The following NELL1 variants were observed in gnomAD, a reference collection of about 807,000 sequenced individuals.
NELL1 encodes neural EGFL like 1.
In NELL1, 76 loss-of-function variants were observed where a neutral mutation model predicts 107.4. The observed-to-expected ratio is 0.71, with a 90% CI of 0.59 to 0.86. The LOEUF (loss-of-function observed/expected upper bound fraction) is 0.86. NELL1 is among the 40% of genes least tolerant of loss of function. NELL1 has a pLI of 0.00. For synonymous variants in NELL1, 353 were observed against 341.2 expected (o/e 1.03, Z -0.38); for missense variants, 1,024 against 1,005.5 (o/e 1.02, Z -0.25).
At chr11:20,869,877 A>C (rs1294688859) in intron 4 of NELL1, among the ~76,000 whole-genome samples, 1 of 152,194 alleles carries the variant, frequency 6.6e-6, no homozygotes, top group Non-Finnish European at 1.5e-5. Flanking sequence ...GTTAGTTAGG[A>C]TGCTCTAGTT....
intron 3 of NELL1, among the ~76,000 whole-genome samples, chr11:20,787,007 CAAAAAAAAAAA>C (rs71443763): frequency 1.6e-5 from 1 of 60,854 alleles, no homozygotes. Flanking sequence ...GACTCCGTCT[CAAAAAAAAAAA>C]AAAAAAAAAA....
chr11:20,733,221 C>T (rs978152938), intron 2 of NELL1, among the ~76,000 whole-genome samples: 1 of 152,172 alleles, frequency 6.6e-6, no homozygotes, highest in Non-Finnish European at 1.5e-5. Context: ...ACATCTGTTG[C>T]TCTGACAGAA....
chr11:21,154,751 A>G (rs1020189590), intron 13 of NELL1, among the ~76,000 whole-genome samples: 20 of 152,306 alleles, frequency 1.3e-4, no homozygotes, highest in African/African-American at 4.6e-4. Flanking sequence ...GGCAATCATG[A>G]GATGGGTATC....
In NELL1 at chr11:21,229,392, C is replaced by A; in HGVS notation, c.1487C>A (p.Thr496Asn). The A allele has an allele frequency of 6.2e-7, 1 of 1,614,012 alleles. No individual in the cohort carries two copies. The highest frequency in any genetic ancestry group is 2.2e-5 in the East Asian group (1 of 44,802). Residue 496 changes from threonine (T) to asparagine (N), a missense_variant, in exon 14 of 20, where the codon ACT becomes AAT. Transcript: ENST00000357134. ...GATGAGAATGCCATCTGCACCAACA[C>A]TGTCCAGGGACACAGCTGCACCTGC... is the stretch of plus-strand genomic sequence containing the variant. The part of the protein sequence containing the change: ...NCDENAICTN[T>N]VQGHSCTCKP...
At chr11:20,886,064 T>C (rs1342977905) in intron 5 of NELL1, among the ~76,000 whole-genome samples, 2 of 152,070 alleles carry the variant, frequency 1.3e-5, no homozygotes, top group Non-Finnish European at 2.9e-5. Flanking sequence ...TGAATACACA[T>C]GGACACAAAG....
At chr11:21,294,239 C>T (rs1300955602) in intron 14 of NELL1, among the ~76,000 whole-genome samples, 2 of 152,094 alleles carry the variant, frequency 1.3e-5, no homozygotes, top group African/African-American at 4.8e-5. Flanking sequence ...CCATAGTGTA[C>T]CCTTTGTTGG....
rs754095262 is a variant in NELL1 at position 21,374,794 on chromosome 11, T to C, written c.1645+3846T>C. 1.0e-3 allele frequency among the ~76,000 whole-genome samples: 157 copies of C among 151,992 alleles called. 3 individuals are homozygous for C. The highest frequency in any genetic ancestry group is 2.5e-4 in the Non-Finnish European group (17 of 67,978). On this transcript the variant is annotated intron_variant, in intron 15 of 19. Coordinates refer to ENST00000357134, the MANE Select transcript of NELL1 (RefSeq NM_006157.5). ...GACTCCCTACATCTTGTACTCTTGA[T>C]CATGGAACAGGATATATTGTTTACT... is the stretch of plus-strand genomic sequence containing the variant.
intron 3 of NELL1, among the ~76,000 whole-genome samples, chr11:20,838,143 C>T (rs1848566010): frequency 6.6e-6 from 1 of 151,602 alleles, no homozygotes; most frequent in African/African-American, 2.4e-5. Flanking sequence ...CACATTACTT[C>T]TATGGCATTC....
Position 20,678,073 on chromosome 11 carries a change from C to T in NELL1, c.184+13C>T. 3.1e-6 allele frequency: 5 copies of T among 1,613,906 alleles called. No individual in the cohort carries two copies. Among genetic ancestry groups the T allele is most frequent in the Non-Finnish European group, 4.2e-6 (5 of 1,179,870 alleles). On this transcript the variant is annotated intron_variant, in intron 2 of 19. Coordinates refer to ENST00000357134, the MANE Select transcript of NELL1 (RefSeq NM_006157.5). ...TTTTTATTTCAAGGTAAAGGCACCT[C>T]CTTTCTTGCATGGTGGCAGAGGTTG... is the stretch of plus-strand genomic sequence containing the variant.
intron 5 of NELL1, among the ~76,000 whole-genome samples, chr11:20,909,068 C>T (rs1466578429): frequency 1.3e-5 from 2 of 152,150 alleles, no homozygotes; most frequent in Non-Finnish European, 2.9e-5. Flanking sequence ...TGTGAAGGAA[C>T]CATGCACAAA....
At chr11:21,243,284 T>C (rs1004748856) in intron 14 of NELL1, among the ~76,000 whole-genome samples, 6 of 152,298 alleles carry the variant, frequency 3.9e-5, no homozygotes, top group Middle Eastern at 3.4e-3. Flanking sequence ...ATGAATACTT[T>C]GCTTAAATAA....
At chr11:21,260,149 A>G (rs1279576485) in intron 14 of NELL1, 1 of 151,848 alleles carries the variant, frequency 6.6e-6, no homozygotes, top group Non-Finnish European at 1.5e-5. Flanking sequence ...TGACATTCAG[A>G]CCTTGGTGAG....
intron 16 of NELL1, among the ~76,000 whole-genome samples, chr11:21,539,646 T>C (rs1200023984): frequency 6.6e-6 from 1 of 151,262 alleles, no homozygotes; most frequent in African/African-American, 2.4e-5. Flanking sequence ...GCTCCTTCTC[T>C]TCTCTCCTCT....
At chr11:21,495,249 C>T (rs926777802) in intron 15 of NELL1, among the ~76,000 whole-genome samples, 1 of 152,090 alleles carries the variant, frequency 6.6e-6, no homozygotes, top group Admixed American at 6.6e-5. Flanking sequence ...ATTAATGAAA[C>T]AATACAATCT....
In NELL1 at chr11:20,735,790, C is replaced by G. The variant is rs1248861251; in HGVS notation, c.185-47890C>G. On this transcript the variant is annotated intron_variant, in intron 2 of 19. Transcript: ENST00000357134. ...AAGGTACAGTGACAAAGAGCAGTAG[C>G]TGAATGCTGACTTTGGGTTTAGGGA... Among the ~76,000 whole-genome samples the G allele has an allele frequency of 2.0e-5, 3 of 152,156 alleles. No homozygotes were observed. The East Asian group carries it at 5.8e-4, about 29-fold the overall frequency.
Position 21,119,054 on chromosome 11 carries a change from T to C in NELL1, c.1426+5340T>C, listed in dbSNP as rs543546367. 3.3e-5 allele frequency among the ~76,000 whole-genome samples: 5 copies of C among 152,184 alleles called. No individual in the cohort carries two copies. The South Asian group carries it at 1.0e-3, about 32-fold the overall frequency. ...AAAAATAATGTCTGTGCCAAGGGGT[T>C]CATGGTTTGTTAATTAGGCAATATC... On this transcript the variant is annotated intron_variant, in intron 13 of 19. Coordinates refer to ENST00000357134, the MANE Select transcript of NELL1 (RefSeq NM_006157.5).
intron 12 of NELL1, chr11:21,000,765 T>C (rs1852199893): frequency 6.6e-6 from 1 of 152,220 alleles, no homozygotes; most frequent in Admixed American, 6.5e-5. Context: ...GTTAAAATAG[T>C]ACTCTTTCTG....
intron 15 of NELL1, among the ~76,000 whole-genome samples, chr11:21,487,667 C>T (rs991827399): frequency 4.6e-5 from 7 of 151,750 alleles, no homozygotes; most frequent in African/African-American, 1.7e-4. Context: ...TGACAAAAAC[C>T]CTGACAGATC....
intron 12 of NELL1, among the ~76,000 whole-genome samples, chr11:21,005,716 A>G (rs900591533): frequency 6.6e-6 from 1 of 152,194 alleles, no homozygotes; most frequent in South Asian, 2.1e-4. Context: ...GTCTGTGCAC[A>G]CTTGCTTGAA....
Sources: gnomAD v4.1 joint callset for allele counts (sites outside exome capture counted in the v4.1 genomes callset) on GRCh38, gnomAD v4.1.1 for gene constraint, MANE v1.5 for transcripts, NCBI Gene and HGNC (gene_info 2026-07-23, HGNC 2026-07-21) for gene names.